FAM131C: variants seen among roughly 807,000 people sequenced by gnomAD.
FAM131C encodes protein FAM131C.
Under a neutral mutation model 29.8 loss-of-function variants are expected in FAM131C, and 14 were observed. The ratio of observed to expected loss-of-function variants is 0.47; its 90% CI spans 0.31 to 0.73. The LOEUF is 0.73. FAM131C is among the 30% of genes least tolerant of loss of function. The pLI is 0.05. For missense variants in FAM131C, 252 were observed against 383.8 expected, an observed-to-expected ratio of 0.66 and a Z score of 2.87; for synonymous variants, 86 against 157.8, an observed-to-expected ratio of 0.54 and a Z score of 3.41.
intron 1 of FAM131C, among the ~76,000 whole-genome samples, chr1:16,067,222 A>G (rs2023693483): frequency 6.6e-6 from 1 of 151,978 alleles, no homozygotes; most frequent in African/African-American, 2.4e-5. Context: ...CTTTGGCCCC[A>G]TGATGTCACA....
In FAM131C at chr1:16,059,865, T is replaced by A. The variant is rs759880423; in HGVS notation, c.451+4A>T. The A allele has an allele frequency of 8.4e-7, 1 of 1,187,658 alleles. No individual in the cohort carries two copies. The highest frequency in any genetic ancestry group is 1.7e-5 in the South Asian group (1 of 58,976). 73.6% of individuals were successfully genotyped at this position (1,187,658 alleles called of 1,614,324 possible). On this transcript the variant is annotated splice_donor_region_variant and intron_variant, in intron 5 of 6. Coordinates refer to ENST00000375662, the MANE Select transcript of FAM131C (RefSeq NM_182623.3). ...AGCCCTGGCCAGTCCCCCTCCTCGC[T>A]GACCTGCAGCAAAGCGGGCCTCACG...
intron 1 of FAM131C, among the ~76,000 whole-genome samples, chr1:16,067,904 C>T (rs1391451421): frequency 6.6e-6 from 1 of 152,156 alleles, no homozygotes; most frequent in Non-Finnish European, 1.5e-5. Context: ...ACCATGGTTG[C>T]CATCTACCCC....
rs368938930 is a variant in FAM131C at position 16,059,564 on chromosome 1, G to A, written c.492C>T (p.Ser164=). ...CCTCTTCGTCCAGCGAGGACCAAGC[G>A]CTCAGTGTGGCCTCTGTGATGGCAA... ...EQFAITEATL[S]AWSSLDEEEL... Residue 164 remains serine (S), a synonymous_variant, in exon 6 of 7, where the codon AGC becomes AGT. Transcript: ENST00000375662. 1.2e-5 allele frequency: 19 copies of A among 1,606,066 alleles called. No homozygotes were observed. The highest frequency in any genetic ancestry group is 1.7e-4 in the Middle Eastern group (1 of 5,954).
At position 16,063,599 on chromosome 1, in the gene FAM131C, G is replaced by C. The variant is rs1421890806; in HGVS notation, c.60C>G (p.Pro20=). 6.2e-7 allele frequency: 1 copy of C among 1,613,202 alleles called. No homozygotes were observed. Among genetic ancestry groups the C allele is most frequent in the Non-Finnish European group, 8.5e-7 (1 of 1,179,580 alleles). Reference sequence around the variant, plus strand: ...CTGGGTTCAAGGGGTCCGCACCCTGGGGCATGGGGCAGTTCTTGTGGGCAC... The same window carrying C: ...CTGGGTTCAAGGGGTCCGCACCCTGCGGCATGGGGCAGTTCTTGTGGGCAC... The part of the protein sequence containing the change: ...FTSAHKNCPM[P]QGADPLNPDL... Residue 20 remains proline (P), a synonymous_variant, in exon 2 of 7, where the codon CCC becomes CCG. Coordinates refer to ENST00000375662, the MANE Select transcript of FAM131C (RefSeq NM_182623.3).
Position 16,058,391 on chromosome 1 carries a change from G to A in FAM131C, c.*46C>T. 2 of 1,431,816 alleles carry A rather than the reference G, an allele frequency of 1.4e-6. No homozygotes were observed. The highest frequency in any genetic ancestry group is 3.0e-5 in the South Asian group (2 of 66,680). The allele number at this position is 1,431,816 out of a possible 1,614,324, so 88.7% of individuals were successfully genotyped here. On this transcript the variant is annotated 3_prime_UTR_variant, in exon 7 of 7. Transcript: ENST00000375662. ...CAGATATGCCTGGGCTGCCCACCAGGCGAGGTCATGGTGAGAGCAGGTGCT... is the reference window on the plus strand; with the variant it reads ...CAGATATGCCTGGGCTGCCCACCAGACGAGGTCATGGTGAGAGCAGGTGCT...
rs757003155 is a variant in FAM131C, at chr1:16,063,504, G to A, written c.138+17C>T. ...ACCGGGGCGCAGGTAGCACAGGGAT[G>A]AGGAGCAGCCAGTTACCTTGCCAAT... is the stretch of plus-strand genomic sequence containing the variant. On this transcript the variant is annotated intron_variant, in intron 2 of 6. Coordinates refer to ENST00000375662, the MANE Select transcript of FAM131C (RefSeq NM_182623.3). 9 of 1,589,634 alleles carry A rather than the reference G, an allele frequency of 5.7e-6. No homozygotes were observed. The African/African-American group carries it at 9.4e-5, about 17-fold the overall frequency.
In FAM131C at chr1:16,065,901, C is replaced by CTTTTCT. The variant is rs566721783; in HGVS notation, c.23-2271_23-2266dup. Reference sequence around the variant, plus strand: ...CAGTTGGAGGTGAGATTAAGGTTTTCTTTTCTTTTTTTTTTGGAGACAGAA... The same window carrying CTTTTCT: ...CAGTTGGAGGTGAGATTAAGGTTTTCTTTTCTTTTTCTTTTTTTTTTGGAGACAGAA... On this transcript the variant is annotated intron_variant, in intron 1 of 6. Transcript: ENST00000375662. Among the ~76,000 whole-genome samples the CTTTTCT allele has an allele frequency of 4.4e-3, 643 of 147,304 alleles. 8 individuals are homozygous for CTTTTCT. Among genetic ancestry groups the CTTTTCT allele is most frequent in the African/African-American group, 0.015 (595 of 39,196 alleles).
chr1:16,063,084 C>G (rs2023625667), intron 2 of FAM131C, among the ~76,000 whole-genome samples: 1 of 149,102 alleles, frequency 6.7e-6, no homozygotes, highest in African/African-American at 2.5e-5. Flanking sequence ...TCCATCTGGA[C>G]TGAGAAACAT....
chr1:16,063,665 A>C (rs1440645294), intron 1 of FAM131C, 29 bp from the exon 2 acceptor site: 8 of 1,463,434 alleles, frequency 5.5e-6, no homozygotes, highest in Non-Finnish European at 7.6e-6. Flanking sequence ...GGAGGAACTC[A>C]GCAAAGCCCA....
rs1162220287 is a variant in FAM131C at position 16,058,522 on chromosome 1, G to A, written c.758C>T (p.Pro253Leu). 3.3e-6 allele frequency: 5 copies of A among 1,521,068 alleles called. No homozygotes were observed. The highest frequency in any genetic ancestry group is 4.4e-6 in the Non-Finnish European group (5 of 1,135,232). The allele number at this position is 1,521,068 out of a possible 1,614,324, so 94.2% of individuals were successfully genotyped here. The change falls in exon 7 of 7, where the codon CCC becomes CTC. Residue 253 changes from proline to leucine, a missense_variant. Physicochemically the swap from Pro to Leu is moderately conservative, Grantham distance 98. This residue lies in a region of FAM131C where 42 missense variants were observed against 51.7 expected (regional missense o/e 0.81). Transcript: ENST00000375662. ...GCCCGGGGGGTGGGTCCCACCCTCG[G>A]GTCCTTGGGCCCCGGGCAGCCGCCG... ...HRRRLPGAQG[P>L]EGGTHPPGSL...
At chr1:16,062,384 C>CG (rs1456477987) in intron 3 of FAM131C, 115 bp downstream of exon 3, 4 of 810,934 alleles carry the variant, frequency 4.9e-6, no homozygotes, top group Non-Finnish European at 5.2e-6. Flanking sequence ...CATCAGGCCC[C>CG]CCCCCCCCCC....
intron 6 of FAM131C, among the ~76,000 whole-genome samples, 159 bp from the exon 7 acceptor site, chr1:16,058,876 GC>G (rs2023538998): frequency 2.0e-5 from 3 of 152,186 alleles, no homozygotes; most frequent in Admixed American, 2.0e-4. Flanking sequence ...AAAACTCTGA[GC>G]CCCAGCTTTC....
intron 2 of FAM131C, 48 bp downstream of exon 2, chr1:16,063,473 C>T (rs774929315): frequency 2.1e-6 from 3 of 1,442,422 alleles, no homozygotes; most frequent in Admixed American, 3.4e-5. Context: ...AGGAGACAGG[C>T]CGGGAACCGG....
At chr1:16,072,541 G>C (rs569056661) in intron 1 of FAM131C, among the ~76,000 whole-genome samples, 1 of 152,170 alleles carries the variant, frequency 6.6e-6, no homozygotes, top group Admixed American at 6.5e-5. Context: ...ACCAAGGTGG[G>C]AGAAGGGCTC....
chr1:16,073,532 G>C lies in FAM131C; in HGVS notation c.-90C>G. 1.3e-6 allele frequency: 1 copy of C among 767,164 alleles called. No individual in the cohort carries two copies. Among genetic ancestry groups the C allele is most frequent in the Non-Finnish European group, 1.7e-6 (1 of 582,460 alleles). 47.5% of individuals were successfully genotyped at this position (767,164 alleles called of 1,614,324 possible). A position where few individuals can be genotyped will look rare whatever the true frequency, so the allele number is the denominator to read the frequency against. ...CGCGGGCCCGGGGCTGAGCGCTGCGGAGCCAGAGGACGGGCGGGGCGGGGG... is the reference window on the plus strand; with the variant it reads ...CGCGGGCCCGGGGCTGAGCGCTGCGCAGCCAGAGGACGGGCGGGGCGGGGG... On this transcript the variant is annotated 5_prime_UTR_variant, in exon 1 of 7. Transcript: ENST00000375662.
chr1:16,063,747 A>G, intron 1 of FAM131C, 111 bp from the exon 2 acceptor site: 2 of 661,270 alleles, frequency 3.0e-6, no homozygotes, highest in Non-Finnish European at 5.0e-6. Flanking sequence ...TTATCCAACA[A>G]CATCGTAGAG....
rs376391365 is a variant in FAM131C at position 16,063,618 on chromosome 1, T to C, written c.41A>G (p.His14Arg). The C allele has an allele frequency of 2.5e-6, 4 of 1,611,830 alleles. No homozygotes were observed. The African/African-American group carries it at 5.3e-5, about 22-fold the overall frequency. Reference sequence around the variant, plus strand: ...ACCCTGGGGCATGGGGCAGTTCTTGTGGGCACTTGTGAACAGGTCTGGAAA... The same window carrying C: ...ACCCTGGGGCATGGGGCAGTTCTTGCGGGCACTTGTGAACAGGTCTGGAAA... The part of the protein sequence containing the change: ...CVSRDLFTSA[H>R]KNCPMPQGAD... The change falls in exon 2 of 7, where the codon CAC (histidine) becomes CGC (arginine). Residue 14 changes from histidine to arginine, a missense_variant. By Grantham distance (29) the His-to-Arg change is conservative. Transcript: ENST00000375662.
At chr1:16,070,687 G>A (rs1015296602) in intron 1 of FAM131C, among the ~76,000 whole-genome samples, 7 of 152,168 alleles carry the variant, frequency 4.6e-5, no homozygotes, top group African/African-American at 7.2e-5. Flanking sequence ...TAATATGTAC[G>A]AGTGCTTACT....
At chr1:16,070,387 G>A (rs533350808) in intron 1 of FAM131C, among the ~76,000 whole-genome samples, 9 of 152,160 alleles carry the variant, frequency 5.9e-5, no homozygotes, top group Admixed American at 2.0e-4. Context: ...TCAGCACCTC[G>A]AGTGCCTGCC....
Sources: gnomAD v4.1 joint callset for allele counts (sites outside exome capture counted in the v4.1 genomes callset) on GRCh38, gnomAD v4.1.1 for gene constraint, gnomAD v4.1.1 regional missense constraint, MANE v1.5 for transcripts, NCBI Gene and HGNC (gene_info 2026-07-23, HGNC 2026-07-21) for gene names.